FGD5: variants seen among roughly 807,000 people sequenced by gnomAD.
FGD5 encodes the protein FYVE, RhoGEF and PH domain-containing protein 5.
In FGD5, 28 loss-of-function variants were observed where a neutral mutation model predicts 133.4. The ratio of observed to expected loss-of-function variants is 0.21; its 90% CI spans 0.16 to 0.29. The LOEUF (loss-of-function observed/expected upper bound fraction) is 0.29, where lower values mean the gene tolerates loss of function less well. Ranked by LOEUF, FGD5 falls within the 10% of genes least tolerant of loss-of-function variation. The probability of loss-of-function intolerance (pLI) is 1.00; values close to 1 mark genes in which losing one functional copy is unlikely to be tolerated. For missense variants in FGD5, 1,858 were observed against 1,895.2 expected (o/e 0.98, Z 0.36); for synonymous variants, 810 against 776.5 (o/e 1.04, Z -0.72).
intron 11 of FGD5, among the ~76,000 whole-genome samples, chr3:14,914,325 G>A (rs1380330175): frequency 3.9e-5 from 6 of 152,248 alleles, no homozygotes; most frequent in Non-Finnish European, 8.8e-5. Flanking sequence ...AGGCAGCGAC[G>A]TCCTTGAGCT....
chr3:14,902,414 G>A (rs1394503300), intron 9 of FGD5, among the ~76,000 whole-genome samples: 7 of 152,074 alleles, frequency 4.6e-5, no homozygotes, highest in South Asian at 2.1e-4. Flanking sequence ...GAGGTTGGAC[G>A]GTGCATGTTG....
At chr3:14,908,457 C>T (rs1471047120) in intron 10 of FGD5, among the ~76,000 whole-genome samples, 1 of 152,002 alleles carries the variant, frequency 6.6e-6, no homozygotes, top group Non-Finnish European at 1.5e-5. Flanking sequence ...GCTTGGACCA[C>T]CCAGAATCCT....
chr3:14,881,527 A>C (rs543433560), intron 4 of FGD5, among the ~76,000 whole-genome samples: 2 of 152,306 alleles, frequency 1.3e-5, no homozygotes, highest in East Asian at 3.9e-4. Flanking sequence ...GGTGATATTA[A>C]GGGCTAGGCC....
chr3:14,854,653 C>G (rs1280277416), intron 1 of FGD5, among the ~76,000 whole-genome samples: 2 of 152,072 alleles, frequency 1.3e-5, no homozygotes, highest in Non-Finnish European at 2.9e-5. Flanking sequence ...CTCCTGGGCT[C>G]AGTCAATGCT....
At chr3:14,823,069 G>A (rs565750246) in intron 1 of FGD5, among the ~76,000 whole-genome samples, 5 of 152,296 alleles carry the variant, frequency 3.3e-5, no homozygotes, top group South Asian at 4.2e-4. Flanking sequence ...AGCACAGCCC[G>A]AGGGACTGAG....
chr3:14,886,054 A>G (rs1407413400), intron 4 of FGD5, among the ~76,000 whole-genome samples: 1 of 152,212 alleles, frequency 6.6e-6, no homozygotes, highest in African/African-American at 2.4e-5. Context: ...ATAAATCCAG[A>G]AGCAGGCGAT....
At chr3:14,907,503 C>G in intron 9 of FGD5, 137 bp from the exon 10 acceptor site, 1 of 708,820 alleles carries the variant, frequency 1.4e-6, no homozygotes, top group East Asian at 2.8e-5. Flanking sequence ...CTGCCTTGTA[C>G]AGGAGGTTGG....
upstream of FGD5, chr3:14,818,947 G>C: frequency 6.9e-7 from 1 of 1,439,124 alleles, no homozygotes; most frequent in African/African-American, 1.4e-5. Context: ...CTCTATTTTT[G>C]TCATCTAGAT....
chr3:14,853,681 C>G (rs2125096223), intron 1 of FGD5, among the ~76,000 whole-genome samples: 1 of 114,188 alleles, frequency 8.8e-6, no homozygotes, highest in South Asian at 2.7e-4. Context: ...AGTTATTAGG[C>G]CCTTTTGGCT....
At chr3:14,832,393 C>A (rs937112522) in intron 1 of FGD5, among the ~76,000 whole-genome samples, 1 of 152,068 alleles carries the variant, frequency 6.6e-6, no homozygotes, top group Non-Finnish European at 1.5e-5. Flanking sequence ...CTTAGCAGAT[C>A]AGAAAACTAG....
intron 1 of FGD5, among the ~76,000 whole-genome samples, chr3:14,850,762 T>G: frequency 9.3e-6 from 1 of 107,032 alleles, no homozygotes. Context: ...TTGGAAGAGG[T>G]GGTATTTGGG....
chr3:14,836,138 C>T (rs55713610), intron 1 of FGD5, among the ~76,000 whole-genome samples: 5,671 of 152,256 alleles, frequency 0.037, 344 homozygotes, highest in African/African-American at 0.13. Flanking sequence ...GGTGAGAGCA[C>T]GGAGACCCTG....
chr3:14,901,029 A>T lies in FGD5; in HGVS notation c.3232A>T (p.Thr1078Ser). ...QGALSLISKV[T>S]DRANDSMEQG... ...TGCACTGAGCCTCATCTCCAAAGTC[A>T]CAGACCGTGCCAACGACAGCATGGA... The change falls in exon 9 of 20, where the codon ACA (threonine) becomes TCA (serine). Residue 1078 changes from threonine (T) to serine (S), a missense_variant. This residue lies in a region of FGD5 where 1,824 missense variants were observed against 1,848.9 expected (regional missense o/e 0.99). Coordinates refer to ENST00000285046, the MANE Select transcript of FGD5 (RefSeq NM_152536.4). 1 of 1,613,982 alleles carries T rather than the reference A, an allele frequency of 6.2e-7. No individual in the cohort carries two copies. Among genetic ancestry groups the T allele is most frequent in the Non-Finnish European group, 8.5e-7 (1 of 1,179,862 alleles).
chr3:14,858,918 G>A (rs1020502757), intron 1 of FGD5, among the ~76,000 whole-genome samples: 2 of 152,146 alleles, frequency 1.3e-5, no homozygotes, highest in Admixed American at 6.5e-5. Flanking sequence ...AGGGTCGATG[G>A]GAGCAGCCAT....
rs202149260 is a variant in FGD5, at chr3:14,854,387, CTTTTTATTTATTT to C, written c.2526-9740_2526-9728del. Among the ~76,000 whole-genome samples the C allele has an allele frequency of 1.4e-3, 186 of 134,396 alleles. 3 individuals carry two copies. The East Asian group carries it at 0.035, about 26-fold the overall frequency. 88.2% of individuals were successfully genotyped at this position (134,396 alleles called of 152,430 possible). ...TGGTCCTTTATTTTTTGTTTCTTTT[CTTTTTATTTATTT>C]ATTTATTTATTTATTTATTTATTTA... On this transcript the variant is annotated intron_variant, in intron 1 of 19. Coordinates refer to ENST00000285046, the MANE Select transcript of FGD5 (RefSeq NM_152536.4).
intron 19 of FGD5, 95 bp from the exon 20 acceptor site, chr3:14,933,036 A>G: frequency 1.4e-6 from 2 of 1,393,078 alleles, no homozygotes; most frequent in Non-Finnish European, 2.0e-6. Context: ...ACTTCAAACT[A>G]AGAGGAATCT....
chr3:14,848,384 TC>T (rs869283364), intron 1 of FGD5, among the ~76,000 whole-genome samples: 5 of 79,222 alleles, frequency 6.3e-5, no homozygotes, highest in Admixed American at 2.6e-4. Context: ...TTCTCATCCT[TC>T]CCCCTGGCCC....
Position 14,932,564 on chromosome 3 carries a change from C to A in FGD5, c.4198-13C>A. 6.2e-7 allele frequency: 1 copy of A among 1,605,824 alleles called. No individual in the cohort carries two copies. Among genetic ancestry groups the A allele is most frequent in the Non-Finnish European group, 8.5e-7 (1 of 1,177,436 alleles). The stretch of plus-strand genomic sequence containing the variant: ...TGGTGTTTAATGTCAATTTTTCCTT[C>A]TGTCCTCTGCAGGACAAAGTGGCCT... On this transcript the variant is annotated splice_polypyrimidine_tract_variant and intron_variant, in intron 18 of 19. Transcript: ENST00000285046.
intron 8 of FGD5, 149 bp from the exon 9 acceptor site, chr3:14,900,854 A>T: frequency 1.2e-6 from 1 of 805,924 alleles, no homozygotes. Flanking sequence ...AGGGAAACTG[A>T]GGCATGCATG....
Sources: gnomAD v4.1 joint callset for allele counts (sites outside exome capture counted in the v4.1 genomes callset) on GRCh38, gnomAD v4.1.1 for gene constraint, gnomAD v4.1.1 regional missense constraint, MANE v1.5 for transcripts, NCBI Gene and HGNC (gene_info 2026-07-23, HGNC 2026-07-21) for gene names.